The following NEMP2 variants were observed in gnomAD, a reference collection of about 807,000 sequenced individuals.
The protein encoded by NEMP2 is nuclear envelope integral membrane protein 2, also known as UPF0571 transmembrane protein.
In NEMP2, 53 loss-of-function variants were observed where a neutral mutation model predicts 54.2. The ratio of observed to expected loss-of-function variants is 0.98; its 90% CI spans 0.78 to 1.23. The LOEUF is 1.23. Ranked by LOEUF, NEMP2 falls within the 50% of genes most tolerant of loss-of-function variation. The pLI, the probability that NEMP2 is intolerant of heterozygous loss-of-function variation, is 0.00. For missense variants in NEMP2, 455 were observed against 511.3 expected, an observed-to-expected ratio of 0.89 and a Z score of 1.06; for synonymous variants, 197 against 190.3, an observed-to-expected ratio of 1.04 and a Z score of -0.29.
chr2:190,592,442 G>A, the NEMP2 span, among the ~76,000 whole-genome samples: 1 of 152,126 alleles, frequency 6.6e-6, no homozygotes. This position sits in a 1 kb window ranked among gnomAD's most constrained non-coding sequence, Gnocchi z 4.4. Context: ...GGGATGCAAG[G>A]CAGATCTGAG....
chr2:190,553,623 C>A, the NEMP2 span: 1 of 152,190 alleles, frequency 6.6e-6, no homozygotes, highest in Non-Finnish European at 1.5e-5. Flanking sequence ...CTTTGTGGAG[C>A]CTGTAGCTTG....
the NEMP2 span, among the ~76,000 whole-genome samples, chr2:190,587,090 A>G: frequency 1.3e-5 from 2 of 152,138 alleles, no homozygotes; most frequent in African/African-American, 4.8e-5. The surrounding 1 kb of genome is among the most constrained non-coding windows in gnomAD (Gnocchi z 5.4). Context: ...TGCCACTCCC[A>G]CATTGCTGCT....
chr2:190,546,912 T>G, the NEMP2 span, among the ~76,000 whole-genome samples: 1 of 152,224 alleles, frequency 6.6e-6, no homozygotes, highest in African/African-American at 2.4e-5. This position sits in a 1 kb window ranked among gnomAD's most constrained non-coding sequence, Gnocchi z 5.1. Context: ...TCAGCTTCTT[T>G]CCACCACTCT....
At chr2:190,546,308 C>T in the NEMP2 span, among the ~76,000 whole-genome samples, 1 of 151,926 alleles carries the variant, frequency 6.6e-6, no homozygotes, top group Non-Finnish European at 1.5e-5. This position sits in a 1 kb window ranked among gnomAD's most constrained non-coding sequence, Gnocchi z 5.1. Context: ...TACAGTATAA[C>T]AACAATTTGC....
At chr2:190,478,910 T>A in the NEMP2 span, among the ~76,000 whole-genome samples, 123 of 152,060 alleles carry the variant, frequency 8.1e-4, 1 homozygote, top group Non-Finnish European at 9.3e-4. Context: ...CGAGAACTAG[T>A]ACTGTCTAGT....
At chr2:190,547,778 C>T in the NEMP2 span, among the ~76,000 whole-genome samples, 1 of 152,166 alleles carries the variant, frequency 6.6e-6, no homozygotes, top group Non-Finnish European at 1.5e-5. This position sits in a 1 kb window ranked among gnomAD's most constrained non-coding sequence, Gnocchi z 6.2. Flanking sequence ...TCAGGTGATC[C>T]GCCCACCTTG....
chr2:190,540,592 G>T, the NEMP2 span, among the ~76,000 whole-genome samples: 1 of 152,126 alleles, frequency 6.6e-6, no homozygotes, highest in East Asian at 1.9e-4. Flanking sequence ...TGCATACCCA[G>T]CATGCATGAT....
At chr2:190,601,386 C>T in the NEMP2 span, among the ~76,000 whole-genome samples, 4 of 152,090 alleles carry the variant, frequency 2.6e-5, no homozygotes, top group Non-Finnish European at 4.4e-5. The surrounding 1 kb of genome is among the most constrained non-coding windows in gnomAD (Gnocchi z 5.8). Context: ...TTAAGCCGCT[C>T]GCTTTGTGGT....
At position 190,519,418 on chromosome 2, in the gene NEMP2, G is replaced by T. The variant is rs188515271; in HGVS notation, c.214-235C>A. Among the ~76,000 whole-genome samples, 1 of 152,144 alleles carries T rather than the reference G, an allele frequency of 6.6e-6. No homozygotes were observed. Among genetic ancestry groups the T allele is most frequent in the Admixed American group, 6.5e-5 (1 of 15,272 alleles). On this transcript the variant is annotated intron_variant, in intron 2 of 8. Coordinates refer to ENST00000409150, the MANE Select transcript of NEMP2 (RefSeq NM_001142645.2). This position sits in a 1 kb window ranked among gnomAD's most constrained non-coding sequence, Gnocchi z 5.4. The stretch of plus-strand genomic sequence containing the variant: ...GTATTTTTTGTAGAGATGAGGTTTC[G>T]CCATGTTTCCCAGGCTGGTCTCGAA...
chr2:190,608,705 A>G, the NEMP2 span: 2 of 152,240 alleles, frequency 1.3e-5, no homozygotes, highest in East Asian at 1.9e-4. The surrounding 1 kb of genome is among the most constrained non-coding windows in gnomAD (Gnocchi z 4.9). Context: ...AAAATATATA[A>G]ATTACTAGAG....
At chr2:190,547,769 C>T in the NEMP2 span, among the ~76,000 whole-genome samples, 2 of 152,298 alleles carry the variant, frequency 1.3e-5, no homozygotes, top group East Asian at 3.9e-4. The surrounding 1 kb of genome is among the most constrained non-coding windows in gnomAD (Gnocchi z 6.2). Flanking sequence ...CTCCTGACCT[C>T]AGGTGATCCG....
chr2:190,548,715 A>G, the NEMP2 span, among the ~76,000 whole-genome samples: 1 of 152,226 alleles, frequency 6.6e-6, no homozygotes, highest in Non-Finnish European at 1.5e-5. Context: ...TAATCTTTAT[A>G]TCTATCATGA....
chr2:190,478,922 C>T, the NEMP2 span, among the ~76,000 whole-genome samples: 2 of 152,102 alleles, frequency 1.3e-5, no homozygotes, highest in Non-Finnish European at 2.9e-5. Context: ...CTGTCTAGTA[C>T]TATCTAGAGG....
chr2:190,467,831 T>A, the NEMP2 span, among the ~76,000 whole-genome samples: 1 of 152,252 alleles, frequency 6.6e-6, no homozygotes. The surrounding 1 kb of genome is among the most constrained non-coding windows in gnomAD (Gnocchi z 5.5). Flanking sequence ...AATTCAGCTC[T>A]TGTTGGAACA....
chr2:190,516,160 T>C (rs1690547821), intron 6 of NEMP2, 110 bp downstream of exon 6: 2 of 714,156 alleles, frequency 2.8e-6, no homozygotes, highest in Admixed American at 3.0e-5. Context: ...CTTTCGTTAG[T>C]TCAAAATGAA....
chr2:190,528,862 T>C lies in NEMP2; in HGVS notation c.98-3484A>G, dbSNP rs931304819. ...AGAGCAAGATGATGCAATTTAAGTA[T>C]AGTGTATACTGCAGTTTCAACATAG... On this transcript the variant is annotated intron_variant, in intron 1 of 8. Transcript: ENST00000409150. The surrounding 1 kb of genome is among the most constrained non-coding windows in gnomAD (Gnocchi z 4.3). Among the ~76,000 whole-genome samples, 3 of 152,200 alleles carry C rather than the reference T, an allele frequency of 2.0e-5. No individual in the cohort carries two copies. Among genetic ancestry groups the C allele is most frequent in the Non-Finnish European group, 2.9e-5 (2 of 68,022 alleles).
the NEMP2 span, among the ~76,000 whole-genome samples, chr2:190,629,375 A>G: frequency 6.6e-6 from 1 of 152,238 alleles, no homozygotes; most frequent in Non-Finnish European, 1.5e-5. Flanking sequence ...AACATGTCTG[A>G]AAAGGATCTA....
the NEMP2 span, among the ~76,000 whole-genome samples, chr2:190,475,937 A>G: frequency 4.1e-3 from 621 of 152,318 alleles, 6 homozygotes; most frequent in African/African-American, 0.014. Flanking sequence ...TCTTTGACAA[A>G]CCTGACAAAA....
chr2:190,519,006 A>G lies in NEMP2; in HGVS notation c.391T>C (p.Ser131Pro). 1 of 1,551,442 alleles carries G rather than the reference A, an allele frequency of 6.4e-7. No individual in the cohort carries two copies. The highest frequency in any genetic ancestry group is 8.7e-7 in the Non-Finnish European group (1 of 1,146,930). ...AATATCTTCTTGACAGGCTCCACAG[A>G]GAAGCACACAGTCTCCCTGTATGGA... ...INPYRETVCF[S>P]VEPVKKIFNY... Residue 131 changes from serine to proline, a missense_variant, in exon 3 of 9, where the codon TCT becomes CCT. Ser to Pro is a moderately conservative substitution (Grantham distance 74). This residue lies in a region of NEMP2 where 61 missense variants were observed against 97.5 expected (regional missense o/e 0.63). Coordinates refer to ENST00000409150, the MANE Select transcript of NEMP2 (RefSeq NM_001142645.2). This position sits in a 1 kb window ranked among gnomAD's most constrained non-coding sequence, Gnocchi z 5.4.
Sources: allele counts gnomAD v4.1 joint callset (sites outside exome capture counted in the v4.1 genomes callset), GRCh38; gene constraint gnomAD v4.1.1; regional missense constraint gnomAD v4.1.1; non-coding constraint Gnocchi (gnomAD v3.1); transcripts MANE v1.5; gene names NCBI Gene and HGNC (gene_info 2026-07-23, HGNC 2026-07-21).